The following PPFIA1 variants were observed in gnomAD, a reference collection of about 807,000 sequenced individuals.
The protein encoded by PPFIA1 is PPFI scaffold protein A1.
PPFIA1 carries 25 observed loss-of-function variants against 149.9 expected under a neutral mutation model. The ratio of observed to expected loss-of-function variants is 0.17; its 90% CI spans 0.12 to 0.23. PPFIA1 has a LOEUF of 0.23. Among genes scored for constraint, PPFIA1 ranks in the 10% least tolerant of loss-of-function variants. The probability of loss-of-function intolerance (pLI) is 1.00; values close to 1 mark genes in which losing one functional copy is unlikely to be tolerated. For missense variants in PPFIA1, 1,362 were observed against 1,506.5 expected (o/e 0.90, Z 1.59); for synonymous variants, 549 against 552.8 (o/e 0.99, Z 0.10).
intron 2 of PPFIA1, among the ~76,000 whole-genome samples, chr11:70,274,472 C>T (rs1287115791): frequency 6.6e-6 from 1 of 152,118 alleles, no homozygotes; most frequent in African/African-American, 2.4e-5. Flanking sequence ...GACCTTTCAC[C>T]ATTGATTACT....
At chr11:70,328,396 A>G (rs1253130028) in intron 7 of PPFIA1, among the ~76,000 whole-genome samples, 1 of 152,190 alleles carries the variant, frequency 6.6e-6, no homozygotes, top group Non-Finnish European at 1.5e-5. Flanking sequence ...ATGTCTCTGC[A>G]AAGGACATGA....
rs532808765 is a variant in PPFIA1, at chr11:70,300,856, C to T, written c.265-23546C>T. Among the ~76,000 whole-genome samples the T allele has an allele frequency of 6.6e-5, 10 of 152,186 alleles. No individual in the cohort carries two copies. In the South Asian group the frequency reaches 1.9e-3, roughly 28 times the overall value. On this transcript the variant is annotated intron_variant, in intron 2 of 27. Coordinates refer to ENST00000253925, the MANE Select transcript of PPFIA1 (RefSeq NM_003626.5). ...CCTACTCCAACTTTTAAAATGCTACCGGCTTTAAGAAAAACACAGATGAAA... is the reference window on the plus strand; with the variant it reads ...CCTACTCCAACTTTTAAAATGCTACTGGCTTTAAGAAAAACACAGATGAAA...
intron 2 of PPFIA1, among the ~76,000 whole-genome samples, chr11:70,313,226 T>TA (rs1467676479): frequency 2.0e-5 from 3 of 152,176 alleles, no homozygotes; most frequent in East Asian, 1.9e-4. Context: ...TGTCACCTGA[T>TA]AGAGTATCAA....
chr11:70,279,688 C>T (rs570830192), intron 2 of PPFIA1, among the ~76,000 whole-genome samples: 32 of 146,102 alleles, frequency 2.2e-4, no homozygotes, highest in Middle Eastern at 3.4e-3. Flanking sequence ...TGCTCCTTTC[C>T]GTATTTTCTA....
At chr11:70,338,997 T>C (rs1212135961) in intron 13 of PPFIA1, among the ~76,000 whole-genome samples, 174 bp from the exon 14 acceptor site, 1 of 152,236 alleles carries the variant, frequency 6.6e-6, no homozygotes, top group Non-Finnish European at 1.5e-5. Flanking sequence ...AGACTAAAAC[T>C]GTTGGCCTGG....
At chr11:70,324,158 T>C (rs2054128333) in intron 2 of PPFIA1, among the ~76,000 whole-genome samples, 1 of 152,224 alleles carries the variant, frequency 6.6e-6, no homozygotes, top group Admixed American at 6.5e-5. Flanking sequence ...GGATTCCCCT[T>C]CTTTCCCTGC....
chr11:70,288,365 C>T (rs992243119), intron 2 of PPFIA1, among the ~76,000 whole-genome samples: 9 of 152,216 alleles, frequency 5.9e-5, no homozygotes, highest in African/African-American at 1.2e-4. Context: ...CCACCGCGCC[C>T]GGCCTCCCCT....
intron 8 of PPFIA1, 105 bp from the exon 9 acceptor site, chr11:70,331,855 C>T: frequency 7.9e-7 from 1 of 1,268,492 alleles, no homozygotes; most frequent in South Asian, 1.7e-5. Context: ...GCTCTTCCAT[C>T]ATGACTCTCT....
At chr11:70,359,562 C>T (rs2056531711) in intron 19 of PPFIA1, among the ~76,000 whole-genome samples, 1 of 152,028 alleles carries the variant, frequency 6.6e-6, no homozygotes, top group African/African-American at 2.4e-5. Flanking sequence ...ATGCAGGGTG[C>T]CAGAGGATTG....
At chr11:70,290,865 G>C (rs533725407) in intron 2 of PPFIA1, among the ~76,000 whole-genome samples, 74 of 152,280 alleles carry the variant, frequency 4.9e-4, no homozygotes, top group Non-Finnish European at 9.8e-4. Context: ...AGATGAATCA[G>C]TGTTTCTGAG....
intron 18 of PPFIA1, 89 bp downstream of exon 18, chr11:70,355,900 C>T: frequency 6.7e-7 from 1 of 1,483,990 alleles, no homozygotes; most frequent in South Asian, 1.3e-5. Context: ...CGCGGTGCTC[C>T]AGGAGCCGTG....
chr11:70,299,192 T>C (rs923279740), intron 2 of PPFIA1, among the ~76,000 whole-genome samples: 5 of 152,068 alleles, frequency 3.3e-5, no homozygotes, highest in Non-Finnish European at 7.4e-5. Context: ...TGAGCCAAGA[T>C]TGCACCACTG....
rs1222175711 is a variant in PPFIA1 at position 70,383,067 on chromosome 11, A to T, written c.*77A>T. ...GAATCCAACAAAGACTACATTTTGG[A>T]ATCCAGTGGAATCTTTAATCTTGTT... On this transcript the variant is annotated 3_prime_UTR_variant, in exon 28 of 28. Coordinates refer to ENST00000253925, the MANE Select transcript of PPFIA1 (RefSeq NM_003626.5). 1 of 414,328 alleles carries T rather than the reference A, an allele frequency of 2.4e-6. No individual in the cohort carries two copies. Among genetic ancestry groups the T allele is most frequent in the Non-Finnish European group, 4.7e-6 (1 of 214,150 alleles). The allele number at this position is 414,328 out of a possible 1,614,324, so 25.7% of individuals were successfully genotyped here.
chr11:70,332,697 C>T (rs1049239311), intron 9 of PPFIA1, among the ~76,000 whole-genome samples: 7 of 152,190 alleles, frequency 4.6e-5, no homozygotes, highest in Non-Finnish European at 8.8e-5. Context: ...GTCCTGGGAT[C>T]GGCGAGTACC....
At chr11:70,371,802 T>G (rs1389876906) in intron 21 of PPFIA1, 1 of 153,034 alleles carries the variant, frequency 6.5e-6, no homozygotes, top group Non-Finnish European at 1.5e-5. Flanking sequence ...GATTTTTTCT[T>G]TAGGAAAACA....
Position 70,323,567 on chromosome 11 carries a change from G to A in PPFIA1, c.265-835G>A, listed in dbSNP as rs371611560. Among the ~76,000 whole-genome samples the A allele has an allele frequency of 3.2e-4, 48 of 152,302 alleles. 1 individual carries two copies. The South Asian group carries it at 9.8e-3, about 31-fold the overall frequency. ...AGCTGCAGCAGTCTGGAACAGAGTC[G>A]CTGCCTCACTGACCTGGAAAGGGGA... is the stretch of plus-strand genomic sequence containing the variant. On this transcript the variant is annotated intron_variant, in intron 2 of 27. Transcript: ENST00000253925.
At chr11:70,306,269 C>T (rs116606166) in intron 2 of PPFIA1, among the ~76,000 whole-genome samples, 2,556 of 151,250 alleles carry the variant, frequency 0.017, 75 homozygotes, top group African/African-American at 0.059. Context: ...AAATTGTAAA[C>T]GTATAGGGGA....
At chr11:70,301,121 G>A (rs1407025443) in intron 2 of PPFIA1, among the ~76,000 whole-genome samples, 2 of 152,108 alleles carry the variant, frequency 1.3e-5, no homozygotes. Flanking sequence ...TTCTGATCTT[G>A]GCCAAGATAG....
chr11:70,348,247 G>A lies in PPFIA1; in HGVS notation c.1990G>A (p.Val664Ile). Residue 664 changes from valine to isoleucine, a missense_variant, in exon 16 of 28, where the codon GTT becomes ATT. Physicochemically the swap from Val to Ile is conservative, Grantham distance 29 (BLOSUM62 3). Coordinates refer to ENST00000253925, the MANE Select transcript of PPFIA1 (RefSeq NM_003626.5). The part of the protein sequence containing the change: ...EQRAEEIESR[V>I]GSGSLDNLGR... ...GCGGGCAGAGGAGATTGAAAGTCGA[G>A]TTGGCAGTGGAAGTCTAGACAATCT... 2 of 1,614,214 alleles carry A rather than the reference G, an allele frequency of 1.2e-6. No homozygotes were observed. Among genetic ancestry groups the A allele is most frequent in the Non-Finnish European group, 1.7e-6 (2 of 1,180,034 alleles).
Sources: gnomAD v4.1 joint callset for allele counts (sites outside exome capture counted in the v4.1 genomes callset) on GRCh38, gnomAD v4.1.1 for gene constraint, MANE v1.5 for transcripts, NCBI Gene and HGNC (gene_info 2026-07-23, HGNC 2026-07-21) for gene names.